The following TAX1BP1 variants were observed in gnomAD, a reference collection of about 807,000 sequenced individuals.
The protein encoded by TAX1BP1 is Tax1 binding protein 1.
Under a neutral mutation model 97.7 loss-of-function variants are expected in TAX1BP1, and 62 were observed. The ratio of observed to expected loss-of-function variants is 0.63; its 90% CI spans 0.52 to 0.78. The LOEUF is 0.78. Ranked by LOEUF, TAX1BP1 falls within the 30% of genes least tolerant of loss-of-function variation. The pLI is 0.00. For synonymous variants in TAX1BP1, 340 were observed against 304.2 expected (o/e 1.12, Z -1.23); for missense variants, 867 against 916.1 (o/e 0.95, Z 0.69).
In TAX1BP1 at chr7:27,827,781, A is replaced by G. The variant is rs774735804; in HGVS notation, c.2129A>G (p.His710Arg). The G allele has an allele frequency of 2.1e-5, 34 of 1,613,882 alleles. No homozygotes were observed. The highest frequency in any genetic ancestry group is 2.9e-5 in the Non-Finnish European group (34 of 1,179,922). ...VPTAPDPPSQHLRGHGTGFCF... is the reference protein window; with the variant it reads ...VPTAPDPPSQRLRGHGTGFCF... Reference sequence around the variant, plus strand: ...ACTGCTCCTGATCCTCCAAGTCAACATTTACGTGGGCATGGGACAGGCTTT... The same window carrying G: ...ACTGCTCCTGATCCTCCAAGTCAACGTTTACGTGGGCATGGGACAGGCTTT... Residue 710 changes from histidine to arginine, a missense_variant, in exon 16 of 17, where the codon CAT (histidine) becomes CGT (arginine). By Grantham distance (29) the His-to-Arg change is conservative (BLOSUM62 0). This residue lies in a region of TAX1BP1 where 822 missense variants were observed against 851.4 expected (regional missense o/e 0.97). Transcript: ENST00000396319.
At chr7:27,827,703 T>G (rs1791234808) in intron 15 of TAX1BP1, 35 bp from the exon 16 acceptor site, 1 of 1,575,270 alleles carries the variant, frequency 6.3e-7, no homozygotes. Flanking sequence ...TTGGTTTTAC[T>G]TTTCTTAAAA....
In TAX1BP1 at chr7:27,794,397, C is replaced by T. The variant is rs752818022; in HGVS notation, c.1485C>T (p.Asp495=). Residue 495 remains aspartate, a synonymous_variant, in exon 11 of 17, where the codon GAC becomes GAT. Coordinates refer to ENST00000396319, the MANE Select transcript of TAX1BP1 (RefSeq NM_006024.7). ...TGAATGATGCTTCAGTAAACACAGA[C>T]CCAGCCACTTCTGCCTCTACTGTAG... ...QKVNDASVNT[D]PATSASTVDV... The T allele has an allele frequency of 6.2e-7, 1 of 1,613,112 alleles. No individual in the cohort carries two copies. The highest frequency in any genetic ancestry group is 8.5e-7 in the Non-Finnish European group (1 of 1,179,542).
At chr7:27,824,202 G>A (rs1791083207) in intron 15 of TAX1BP1, among the ~76,000 whole-genome samples, 1 of 152,088 alleles carries the variant, frequency 6.6e-6, no homozygotes, top group African/African-American at 2.4e-5. Context: ...TACCATGTAT[G>A]ATCATGATTG....
chr7:27,754,383 AAT>A (rs990810340), intron 2 of TAX1BP1, among the ~76,000 whole-genome samples: 1 of 147,950 alleles, frequency 6.8e-6, no homozygotes, highest in African/African-American at 2.4e-5. Context: ...TTACAATTAT[AAT>A]ATATATAATA....
intron 13 of TAX1BP1, among the ~76,000 whole-genome samples, chr7:27,814,121 A>G (rs1790671572): frequency 1.3e-5 from 2 of 148,382 alleles, no homozygotes; most frequent in African/African-American, 2.5e-5. Context: ...TTTTTTTTGA[A>G]TCGTGTTTGA....
intron 15 of TAX1BP1, 93 bp from the exon 16 acceptor site, chr7:27,827,645 T>A (rs1791229452): frequency 1.0e-6 from 1 of 973,946 alleles, no homozygotes; most frequent in Admixed American, 2.4e-5. Flanking sequence ...AAGTGTAATC[T>A]TCTTTTATAC....
Position 27,756,048 on chromosome 7 carries a change from G to A in TAX1BP1, c.163-1983G>A, listed in dbSNP as rs145765591. ...AGCATTGAGCAGCAAGTTCTAGCCC[G>A]GTGACCAGGAAAATAAAACAGAGAA... On this transcript the variant is annotated intron_variant, in intron 2 of 16. Coordinates refer to ENST00000396319, the MANE Select transcript of TAX1BP1 (RefSeq NM_006024.7). 1.3e-3 allele frequency among the ~76,000 whole-genome samples: 193 copies of A among 152,248 alleles called. 2 individuals are homozygous for A. The highest frequency in any genetic ancestry group is 4.3e-3 in the African/African-American group (178 of 41,576).
intron 15 of TAX1BP1, among the ~76,000 whole-genome samples, chr7:27,826,295 T>C (rs1235886459): frequency 6.6e-6 from 1 of 152,262 alleles, no homozygotes; most frequent in East Asian, 1.9e-4. Flanking sequence ...AGTTATATCC[T>C]ATGGGACTCA....
intron 8 of TAX1BP1, among the ~76,000 whole-genome samples, chr7:27,791,762 G>A (rs570392488): frequency 6.6e-6 from 1 of 152,078 alleles, no homozygotes; most frequent in Admixed American, 6.6e-5. Flanking sequence ...TGCCTGACTC[G>A]CTGTACTTTA....
rs201351489 is a variant in TAX1BP1 at position 27,748,530 on chromosome 7, A to G, written c.6A>G (p.Thr2=). The change falls in exon 2 of 17, where the codon ACA becomes ACG. Residue 2 remains threonine (T), a synonymous_variant. Coordinates refer to ENST00000396319, the MANE Select transcript of TAX1BP1 (RefSeq NM_006024.7). M[T]SFQEVPLQTS... is the part of the protein sequence containing the mutation. ...TTACTTGTTTCAGATTCACAATGACATCCTTTCAAGAAGTCCCATTGCAGA... is the reference window on the plus strand; with the variant it reads ...TTACTTGTTTCAGATTCACAATGACGTCCTTTCAAGAAGTCCCATTGCAGA... 6.3e-7 allele frequency: 1 copy of G among 1,587,516 alleles called. No homozygotes were observed. The highest frequency in any genetic ancestry group is 2.3e-5 in the East Asian group (1 of 44,262).
chr7:27,785,096 A>AT, intron 5 of TAX1BP1, 67 bp from the exon 6 acceptor site: 1 of 1,475,196 alleles, frequency 6.8e-7, no homozygotes, highest in Non-Finnish European at 9.1e-7. Context: ...TTTCTTAAAG[A>AT]TATGCAAATT....
intron 5 of TAX1BP1, among the ~76,000 whole-genome samples, chr7:27,781,275 G>A (rs1789244574): frequency 6.6e-6 from 1 of 152,124 alleles, no homozygotes. Flanking sequence ...TTGACAATGG[G>A]GATACGTTCT....
intron 2 of TAX1BP1, among the ~76,000 whole-genome samples, chr7:27,750,601 T>A (rs1374621774): frequency 6.6e-6 from 1 of 152,218 alleles, no homozygotes; most frequent in African/African-American, 2.4e-5. Context: ...TGGACGACCT[T>A]CAGTGTTAGA....
At chr7:27,792,372 T>G (rs1054708237) in intron 9 of TAX1BP1, 142 bp downstream of exon 9, 2 of 782,334 alleles carry the variant, frequency 2.6e-6, no homozygotes, top group Non-Finnish European at 4.0e-6. Flanking sequence ...TGTTTAGTCA[T>G]TGTGACTTCT....
intron 5 of TAX1BP1, among the ~76,000 whole-genome samples, chr7:27,770,583 G>A (rs1045587060): frequency 1.3e-5 from 2 of 152,016 alleles, no homozygotes; most frequent in African/African-American, 2.4e-5. Context: ...TTTCCTGAGG[G>A]TGGGGTCTGT....
rs774573136 is a variant in TAX1BP1 at position 27,796,147 on chromosome 7, G to A, written c.1566G>A (p.Gly522=). Residue 522 remains glycine, a synonymous_variant, in exon 12 of 17, where the codon GGG becomes GGA. Transcript: ENST00000396319. ...AEADFDIVTK[G]QVCEMTKEIA... ...CAGATTTTGACATAGTAACAAAGGG[G>A]CAAGTCTGTGAAATGACCAAAGAAA... 2 of 1,605,584 alleles carry A rather than the reference G, an allele frequency of 1.2e-6. No homozygotes were observed. The highest frequency in any genetic ancestry group is 1.7e-5 in the Admixed American group (1 of 57,742).
intron 15 of TAX1BP1, among the ~76,000 whole-genome samples, chr7:27,825,244 T>A (rs929747079): frequency 2.0e-5 from 3 of 152,032 alleles, no homozygotes; most frequent in Non-Finnish European, 4.4e-5. Context: ...GCTTTTTTTT[T>A]TTTTTAACTG....
intron 12 of TAX1BP1, among the ~76,000 whole-genome samples, chr7:27,797,029 A>C (rs540127991): frequency 2.0e-5 from 3 of 149,998 alleles, no homozygotes; most frequent in African/African-American, 4.9e-5. Context: ...ACGGAGTCTC[A>C]CTCTCTCGCT....
intron 15 of TAX1BP1, among the ~76,000 whole-genome samples, chr7:27,823,051 T>C (rs904683327): frequency 6.6e-6 from 1 of 152,178 alleles, no homozygotes; most frequent in African/African-American, 2.4e-5. Context: ...TGAAAACTAA[T>C]AGAGATTTGC....
Sources: allele counts gnomAD v4.1 joint callset (sites outside exome capture counted in the v4.1 genomes callset), GRCh38; gene constraint gnomAD v4.1.1; regional missense constraint gnomAD v4.1.1; transcripts MANE v1.5; gene names NCBI Gene and HGNC (gene_info 2026-07-23, HGNC 2026-07-21).